Variants in IL1RAP observed in about 807,000 individuals in gnomAD.
IL1RAP encodes interleukin-1 receptor accessory protein.
In IL1RAP, 35 loss-of-function variants were observed where a neutral mutation model predicts 60.7. The ratio of observed to expected loss-of-function variants is 0.58; its 90% CI spans 0.44 to 0.76. The LOEUF (loss-of-function observed/expected upper bound fraction) is 0.76, where lower values mean the gene tolerates loss of function less well. Ranked by LOEUF, IL1RAP falls within the 30% of genes least tolerant of loss-of-function variation. The pLI is 0.00. For missense variants in IL1RAP, 572 were observed against 693.9 expected (o/e 0.82, Z 1.97); for synonymous variants, 268 against 250.9 (o/e 1.07, Z -0.64).
At chr3:190,615,828 T>A (rs1402510840) in intron 5 of IL1RAP, among the ~76,000 whole-genome samples, 4 of 152,198 alleles carry the variant, frequency 2.6e-5, no homozygotes, top group Non-Finnish European at 5.9e-5. Context: ...GTGCCTGGCT[T>A]GGCCTTCTTG....
At chr3:190,545,043 T>C (rs1409598291) in intron 1 of IL1RAP, among the ~76,000 whole-genome samples, 1 of 152,226 alleles carries the variant, frequency 6.6e-6, no homozygotes, top group African/African-American at 2.4e-5. Context: ...GGACTCTGCA[T>C]TGTATCCATC....
intron 9 of IL1RAP, among the ~76,000 whole-genome samples, chr3:190,634,449 A>T (rs1733033955): frequency 6.6e-6 from 1 of 150,460 alleles, no homozygotes; most frequent in Admixed American, 6.6e-5. Context: ...CCACCATACC[A>T]GCGAATTTTT....
intron 11 of IL1RAP, among the ~76,000 whole-genome samples, chr3:190,646,261 G>A (rs1734006541): frequency 6.6e-6 from 1 of 152,052 alleles, no homozygotes. Context: ...AGGTTTACTT[G>A]GTTTTACTAA....
chr3:190,636,964 T>C (rs1733275254), intron 9 of IL1RAP, among the ~76,000 whole-genome samples: 2 of 152,196 alleles, frequency 1.3e-5, no homozygotes, highest in Admixed American at 1.3e-4. Flanking sequence ...TGTTTTGTTT[T>C]GTTTCCTCTA....
intron 5 of IL1RAP, among the ~76,000 whole-genome samples, chr3:190,611,662 C>A (rs9821002): frequency 0.6 from 91,507 of 152,010 alleles, 29,612 homozygotes; most frequent in East Asian, 0.81. Context: ...TGGGCCGTGA[C>A]GAAGGCCTTC....
At chr3:190,572,902 C>G (rs375643860) in intron 3 of IL1RAP, among the ~76,000 whole-genome samples, 1 of 37,216 alleles carries the variant, frequency 2.7e-5, no homozygotes, top group Non-Finnish European at 5.4e-5. Context: ...CTCGCTCTGT[C>G]GCCCAGGCTG....
At chr3:190,530,384 G>C (rs1432052579) in intron 1 of IL1RAP, among the ~76,000 whole-genome samples, 1 of 152,168 alleles carries the variant, frequency 6.6e-6, no homozygotes, top group Non-Finnish European at 1.5e-5. Flanking sequence ...GGCAATTAAT[G>C]AGGATTCTAT....
intron 3 of IL1RAP, among the ~76,000 whole-genome samples, chr3:190,589,158 G>T (rs1239637092): frequency 6.6e-6 from 1 of 152,140 alleles, no homozygotes; most frequent in Non-Finnish European, 1.5e-5. Context: ...GGACTTCAGT[G>T]TTCAGAAACT....
At chr3:190,554,358 AG>A (rs1420902550) in intron 1 of IL1RAP, among the ~76,000 whole-genome samples, 1 of 152,120 alleles carries the variant, frequency 6.6e-6, no homozygotes, top group Non-Finnish European at 1.5e-5. Context: ...GTTACTACCC[AG>A]GAACAGGAGA....
chr3:190,563,977 C>T (rs1302730467), intron 2 of IL1RAP: 1 of 264,270 alleles, frequency 3.8e-6, no homozygotes, highest in Non-Finnish European at 7.4e-6. Flanking sequence ...CTCTACCACT[C>T]TCTAGCCAAA....
Position 190,634,707 on chromosome 3 carries a change from G to GTTTTTTTTTTTTTTTTTTTT in IL1RAP, c.1051+5220_1051+5221insTTTTTTTTTTTTTTTTTTTT, listed in dbSNP as rs1167445179. 2.4e-4 allele frequency among the ~76,000 whole-genome samples: 33 copies of GTTTTTTTTTTTTTTTTTTTT among 134,696 alleles called. 2 individuals are homozygous for GTTTTTTTTTTTTTTTTTTTT. Among genetic ancestry groups the GTTTTTTTTTTTTTTTTTTTT allele is most frequent in the African/African-American group, 9.5e-4 (32 of 33,686 alleles). 88.4% of individuals were successfully genotyped at this position (134,696 alleles called of 152,430 possible). A position where few individuals can be genotyped will look rare whatever the true frequency, so the allele number is the denominator to read the frequency against. ...TCATATAACTATCTGGGCCTGTTGT[G>GTTTTTTTTTTTTTTTTTTTT]TTTTTTTTTTTGTTGTTGTTTTTTT... On this transcript the variant is annotated intron_variant, in intron 9 of 11. Transcript: ENST00000447382.
chr3:190,615,144 C>T (rs973218415), intron 5 of IL1RAP: 1 of 154,316 alleles, frequency 6.5e-6, no homozygotes, highest in Admixed American at 6.6e-5. Flanking sequence ...TAGTTTAACT[C>T]CTGTGAGTTA....
At chr3:190,531,034 A>G (rs541989884) in intron 1 of IL1RAP, among the ~76,000 whole-genome samples, 10 of 152,280 alleles carry the variant, frequency 6.6e-5, no homozygotes, top group African/African-American at 2.2e-4. Context: ...ATTTCGCTCT[A>G]TGCACCACTG....
chr3:190,591,323 C>T (rs764860859), intron 3 of IL1RAP, among the ~76,000 whole-genome samples: 2 of 152,102 alleles, frequency 1.3e-5, no homozygotes, highest in Admixed American at 6.5e-5. Context: ...AGTGGCAGAA[C>T]GAGGTTTAGA....
intron 3 of IL1RAP, among the ~76,000 whole-genome samples, chr3:190,600,113 G>A (rs1729730743): frequency 6.6e-6 from 1 of 152,094 alleles, no homozygotes; most frequent in African/African-American, 2.4e-5. Flanking sequence ...TGATTAAGAA[G>A]CTGATTGGAA....
intron 9 of IL1RAP, chr3:190,630,261 T>C: frequency 4.6e-6 from 4 of 862,826 alleles, no homozygotes; most frequent in Non-Finnish European, 5.6e-6. Context: ...TATAAAGCCT[T>C]CTTGTCAGAA....
At chr3:190,557,059 T>C (rs1316122062) in intron 2 of IL1RAP, among the ~76,000 whole-genome samples, 2 of 152,170 alleles carry the variant, frequency 1.3e-5, no homozygotes, top group South Asian at 4.1e-4. Context: ...CCTTACCTTG[T>C]TTAGAAGGAT....
At chr3:190,632,934 G>A (rs918067294) in intron 9 of IL1RAP, among the ~76,000 whole-genome samples, 5 of 152,096 alleles carry the variant, frequency 3.3e-5, no homozygotes, top group African/African-American at 1.2e-4. Context: ...TCCCTGCTCT[G>A]TTCATCTGTT....
chr3:190,564,562 G>A (rs1726200613), intron 3 of IL1RAP: 1 of 570,862 alleles, frequency 1.8e-6, no homozygotes, highest in Non-Finnish European at 3.1e-6. Context: ...AGAGTACACA[G>A]GGGGCAGTGG....
Sources: allele counts gnomAD v4.1 joint callset (sites outside exome capture counted in the v4.1 genomes callset), GRCh38; gene constraint gnomAD v4.1.1; transcripts MANE v1.5; gene names NCBI Gene and HGNC (gene_info 2026-07-23, HGNC 2026-07-21).